RPAP3: variants seen among roughly 807,000 people sequenced by gnomAD.
RPAP3 encodes the protein RNA polymerase II associated protein 3.
A neutral mutation model predicts 88.8 loss-of-function variants in RPAP3; 58 were observed. That is an observed-to-expected ratio of 0.65 (90% CI 0.53 to 0.81). The LOEUF (loss-of-function observed/expected upper bound fraction) is 0.81. Ranked by LOEUF, RPAP3 falls within the 40% of genes least tolerant of loss-of-function variation. RPAP3 has a pLI of 0.00. For synonymous variants in RPAP3, 255 were observed against 259.9 expected, an observed-to-expected ratio of 0.98 and a Z score of 0.18; for missense variants, 751 against 764.3, an observed-to-expected ratio of 0.98 and a Z score of 0.20.
chr12:47,664,321 C>T (rs1592464952), intron 16 of RPAP3, among the ~76,000 whole-genome samples: 3 of 152,062 alleles, frequency 2.0e-5, no homozygotes, highest in Non-Finnish European at 2.9e-5. Context: ...ACCCAGGAGG[C>T]GGAGCTTGCA....
intron 12 of RPAP3, among the ~76,000 whole-genome samples, chr12:47,672,650 C>A (rs1383243808): frequency 1.3e-5 from 2 of 152,054 alleles, no homozygotes; most frequent in South Asian, 4.2e-4. Context: ...TCATGAAGAT[C>A]CATTATAAAA....
chr12:47,680,759 A>T (rs1939206166), intron 10 of RPAP3, among the ~76,000 whole-genome samples: 1 of 152,024 alleles, frequency 6.6e-6, no homozygotes, highest in Non-Finnish European at 1.5e-5. Flanking sequence ...GAAAAAAAAT[A>T]GTATCAAGAA....
At chr12:47,690,941 C>G (rs940856374) in intron 5 of RPAP3, among the ~76,000 whole-genome samples, 3 of 152,110 alleles carry the variant, frequency 2.0e-5, no homozygotes, top group Admixed American at 2.0e-4. Flanking sequence ...AATAAGTGTG[C>G]AAAAGCTTTA....
At chr12:47,667,400 C>A (rs1479208364) in intron 15 of RPAP3, among the ~76,000 whole-genome samples, 1 of 152,128 alleles carries the variant, frequency 6.6e-6, no homozygotes, top group African/African-American at 2.4e-5. Flanking sequence ...CTGTACTTGT[C>A]ATTTCCTTGC....
intron 2 of RPAP3, 31 bp from the exon 3 acceptor site, chr12:47,701,635 G>T: frequency 6.5e-7 from 1 of 1,539,100 alleles, no homozygotes; most frequent in Non-Finnish European, 8.7e-7. Flanking sequence ...ACAAAGTTGT[G>T]AGTATTATGC....
At chr12:47,703,913 G>A (rs1034549894) in intron 1 of RPAP3, among the ~76,000 whole-genome samples, 4 of 152,276 alleles carry the variant, frequency 2.6e-5, no homozygotes, top group African/African-American at 9.6e-5. Flanking sequence ...TGGGACCCCG[G>A]TAAGATTACT....
At chr12:47,694,615 T>A (rs1422417400) in intron 5 of RPAP3, among the ~76,000 whole-genome samples, 1 of 146,228 alleles carries the variant, frequency 6.8e-6, no homozygotes, top group Admixed American at 6.9e-5. Context: ...AGATTAGTTA[T>A]CCAGAATAAA....
At chr12:47,673,333 C>A (rs1361118662) in intron 12 of RPAP3, among the ~76,000 whole-genome samples, 1 of 151,206 alleles carries the variant, frequency 6.6e-6, no homozygotes, top group Non-Finnish European at 1.5e-5. Context: ...ATCCCAGCTA[C>A]CAGGGAGGCT....
At chr12:47,702,187 A>C (rs1182858687) in intron 2 of RPAP3, among the ~76,000 whole-genome samples, 1 of 152,224 alleles carries the variant, frequency 6.6e-6, no homozygotes, top group Non-Finnish European at 1.5e-5. Flanking sequence ...CTACTCACTA[A>C]GCCTTAAAAT....
intron 12 of RPAP3, among the ~76,000 whole-genome samples, chr12:47,674,659 T>G (rs1010368261): frequency 6.6e-6 from 1 of 151,936 alleles, no homozygotes; most frequent in African/African-American, 2.4e-5. Context: ...TGATTGAAGA[T>G]CAAATTAATG....
intron 9 of RPAP3, among the ~76,000 whole-genome samples, chr12:47,686,202 T>C (rs1939317626): frequency 6.6e-6 from 1 of 152,234 alleles, no homozygotes. Context: ...ATAATTCTAC[T>C]GATTGTCCAA....
chr12:47,680,427 G>A (rs968024164), intron 10 of RPAP3, among the ~76,000 whole-genome samples: 2 of 151,970 alleles, frequency 1.3e-5, no homozygotes, highest in East Asian at 3.8e-4. Flanking sequence ...GCTATATATT[G>A]AAAAATGGTT....
intron 5 of RPAP3, among the ~76,000 whole-genome samples, chr12:47,692,765 G>A (rs936845098): frequency 6.6e-6 from 1 of 152,172 alleles, no homozygotes; most frequent in Non-Finnish European, 1.5e-5. Flanking sequence ...GTCAGTCTTG[G>A]CTTTCGACAT....
intron 16 of RPAP3, among the ~76,000 whole-genome samples, chr12:47,666,683 TA>T (rs1004687458): frequency 1.3e-5 from 2 of 152,202 alleles, no homozygotes; most frequent in Non-Finnish European, 2.9e-5. Context: ...GCTTCCTAGC[TA>T]TGTGACCTTA....
At chr12:47,679,096 G>A (rs952462087) in intron 12 of RPAP3, among the ~76,000 whole-genome samples, 4 of 152,224 alleles carry the variant, frequency 2.6e-5, no homozygotes, top group African/African-American at 9.6e-5. Context: ...CATGCCCTTT[G>A]CAGGGACATG....
chr12:47,668,692 C>T (rs557397299), intron 14 of RPAP3, among the ~76,000 whole-genome samples: 19 of 152,072 alleles, frequency 1.2e-4, no homozygotes, highest in African/African-American at 4.1e-4. Context: ...AATTAGATTA[C>T]GTTATTTGAG....
chr12:47,703,285 T>C (rs1939694024), intron 1 of RPAP3, among the ~76,000 whole-genome samples: 3 of 152,212 alleles, frequency 2.0e-5, no homozygotes, highest in South Asian at 4.1e-4. Flanking sequence ...GAAAAAAATA[T>C]ATAAAGCACT....
At chr12:47,705,804 C>CCGACGCGCCGCCT (rs1555184107) in intron 1 of RPAP3, 148 bp downstream of exon 1, 1 of 158,152 alleles carries the variant, frequency 6.3e-6, no homozygotes, top group Non-Finnish European at 1.4e-5. Flanking sequence ...GCCCTGGACA[C>CCGACGCGCCGCCT]CGACGCGCCG....
In RPAP3 at chr12:47,679,597, T is replaced by C; in HGVS notation, c.1186-3A>G. 6.3e-7 allele frequency: 1 copy of C among 1,580,990 alleles called. No homozygotes were observed. The highest frequency in any genetic ancestry group is 8.6e-7 in the Non-Finnish European group (1 of 1,156,490). On this transcript the variant is annotated splice_region_variant and splice_polypyrimidine_tract_variant and intron_variant, in intron 11 of 16. Coordinates refer to ENST00000005386, the MANE Select transcript of RPAP3 (RefSeq NM_024604.3). Reference sequence around the variant, plus strand: ...CAGTGTCCTTTCTCAATTAATTCCTTGAAAATAAATTTATAACCCTAACTT... The same window carrying C: ...CAGTGTCCTTTCTCAATTAATTCCTCGAAAATAAATTTATAACCCTAACTT...
Sources: gnomAD v4.1 joint callset for allele counts (sites outside exome capture counted in the v4.1 genomes callset) on GRCh38, gnomAD v4.1.1 for gene constraint, MANE v1.5 for transcripts, NCBI Gene and HGNC (gene_info 2026-07-23, HGNC 2026-07-21) for gene names.